DLGAP2: variants seen among roughly 807,000 people sequenced by gnomAD.
DLGAP2 encodes the protein disks large-associated protein 2.
DLGAP2 carries 26 observed loss-of-function variants against 100.3 expected under a neutral mutation model. The ratio of observed to expected loss-of-function variants is 0.26; its 90% confidence interval spans 0.19 to 0.36. The LOEUF (loss-of-function observed/expected upper bound fraction) is 0.36. DLGAP2 is among the 10% of genes least tolerant of loss of function. The probability of loss-of-function intolerance (pLI) is 1.00; values close to 1 mark genes in which losing one functional copy is unlikely to be tolerated. For missense variants in DLGAP2, 1,858 were observed against 1,453.2 expected, an observed-to-expected ratio of 1.28 and a Z score of -4.53; for synonymous variants, 886 against 630.1, an observed-to-expected ratio of 1.41 and a Z score of -6.08.
chr8:921,290 G>C (rs971200498), intron 2 of DLGAP2, among the ~76,000 whole-genome samples: 1 of 152,190 alleles, frequency 6.6e-6, no homozygotes. Flanking sequence ...ATGTTGGTCA[G>C]ACCCGTCCTC....
intron 13 of DLGAP2, among the ~76,000 whole-genome samples, chr8:1,693,567 TTGA>T (rs1164808524): frequency 2.0e-5 from 3 of 152,202 alleles, no homozygotes; most frequent in Non-Finnish European, 4.4e-5. Flanking sequence ...GCCAGGTGTT[TTGA>T]TGATGTTTTC....
chr8:1,445,636 C>G (rs553498795), intron 3 of DLGAP2, among the ~76,000 whole-genome samples: 2 of 152,200 alleles, frequency 1.3e-5, no homozygotes, highest in East Asian at 1.9e-4. Flanking sequence ...AATGGTATTT[C>G]TAGTTCTAGA....
chr8:1,691,421 CG>C, intron 12 of DLGAP2, 113 bp from the exon 13 acceptor site: 4 of 836,398 alleles, frequency 4.8e-6, no homozygotes, highest in Non-Finnish European at 7.5e-6. Flanking sequence ...ACGATGAAGT[CG>C]TCAGTTTTCA....
chr8:1,021,641 A>AT (rs1426357049), intron 2 of DLGAP2, among the ~76,000 whole-genome samples: 2 of 152,208 alleles, frequency 1.3e-5, no homozygotes, highest in Non-Finnish European at 2.9e-5. Flanking sequence ...CACTAAGTTA[A>AT]TAAGAACTCA....
chr8:1,557,652 G>A (rs190438023), intron 5 of DLGAP2, among the ~76,000 whole-genome samples: 82 of 152,230 alleles, frequency 5.4e-4, no homozygotes, highest in Admixed American at 1.8e-3. Flanking sequence ...CATTCATTCC[G>A]CAGGGTCCTG....
At chr8:1,095,708 G>C (rs960238241) in intron 2 of DLGAP2, among the ~76,000 whole-genome samples, 15 of 152,308 alleles carry the variant, frequency 9.8e-5, no homozygotes, top group African/African-American at 3.6e-4. Flanking sequence ...ACAGTCCCGT[G>C]CTGGAGAAGA....
rs1797957570 is a variant in DLGAP2 at position 1,643,309 on chromosome 8, C to A, written c.1810+10263C>A. Among the ~76,000 whole-genome samples, 2 of 15,650 alleles carry A rather than the reference C, an allele frequency of 1.3e-4. 1 individual carries two copies. The highest frequency in any genetic ancestry group is 2.0e-4 in the Non-Finnish European group (2 of 10,200). The allele number at this position is 15,650 out of a possible 152,430, so 10.3% of individuals were successfully genotyped here. A position where few individuals can be genotyped will look rare whatever the true frequency, so the allele number is the denominator to read the frequency against. On this transcript the variant is annotated intron_variant, in intron 8 of 14. Transcript: ENST00000637795. ...TCACCTGTGTCACCCTCGACCCCGC[C>A]GGCCCTCACCTGTGTCACCCTGGAA...
chr8:1,044,692 C>T (rs751888246), intron 2 of DLGAP2, among the ~76,000 whole-genome samples: 1 of 152,184 alleles, frequency 6.6e-6, no homozygotes, highest in African/African-American at 2.4e-5. Flanking sequence ...TAGAAGCTAT[C>T]GGAGGAAAGT....
At chr8:1,127,695 G>A (rs1050564788) in intron 2 of DLGAP2, among the ~76,000 whole-genome samples, 26 of 152,188 alleles carry the variant, frequency 1.7e-4, no homozygotes, top group Non-Finnish European at 3.1e-4. Flanking sequence ...AGAGTGTTCC[G>A]GCATTAACAG....
At chr8:1,584,989 A>G (rs1200618729) in intron 6 of DLGAP2, among the ~76,000 whole-genome samples, 1 of 152,216 alleles carries the variant, frequency 6.6e-6, no homozygotes, top group Non-Finnish European at 1.5e-5. Flanking sequence ...CTTAAGTACA[A>G]TGAAAGACAA....
intron 8 of DLGAP2, among the ~76,000 whole-genome samples, chr8:1,659,748 G>A (rs1222255700): frequency 6.6e-6 from 1 of 152,098 alleles, no homozygotes; most frequent in African/African-American, 2.4e-5. Context: ...TTGCACATGA[G>A]ATGGGTCTCC....
chr8:1,336,440 G>C (rs1298315010), intron 3 of DLGAP2, among the ~76,000 whole-genome samples: 5 of 152,188 alleles, frequency 3.3e-5, no homozygotes, highest in East Asian at 1.9e-4. Context: ...GCCGGTAGAA[G>C]TCTGGGCTCT....
At chr8:858,942 A>C (rs1797337498) in intron 1 of DLGAP2, among the ~76,000 whole-genome samples, 1 of 152,154 alleles carries the variant, frequency 6.6e-6, no homozygotes, top group Admixed American at 6.5e-5. Context: ...ATAAGCTGTT[A>C]ATGGTGGGGA....
At chr8:1,021,525 T>A (rs556750224) in intron 2 of DLGAP2, among the ~76,000 whole-genome samples, 3 of 152,272 alleles carry the variant, frequency 2.0e-5, no homozygotes, top group African/African-American at 7.2e-5. Flanking sequence ...TAATTATAGA[T>A]CAACAGTTTG....
At chr8:1,232,386 A>G (rs1207893063) in intron 2 of DLGAP2, among the ~76,000 whole-genome samples, 1 of 152,208 alleles carries the variant, frequency 6.6e-6, no homozygotes, top group African/African-American at 2.4e-5. Context: ...CTCTGTCCTC[A>G]TCATTCCAGG....
At chr8:1,074,832 A>G (rs1374317320) in intron 2 of DLGAP2, among the ~76,000 whole-genome samples, 1 of 152,214 alleles carries the variant, frequency 6.6e-6, no homozygotes. Context: ...GTACTGCCCA[A>G]CAAAGGGATC....
chr8:1,021,891 C>T (rs1452981021), intron 2 of DLGAP2, among the ~76,000 whole-genome samples: 1 of 152,062 alleles, frequency 6.6e-6, no homozygotes, highest in Non-Finnish European at 1.5e-5. Context: ...CTTGTTTGTT[C>T]CACGACCATC....
At chr8:788,513 A>G (rs533708762) in intron 1 of DLGAP2, among the ~76,000 whole-genome samples, 6 of 152,344 alleles carry the variant, frequency 3.9e-5, no homozygotes, top group Admixed American at 6.5e-5. Context: ...GGTAGTGTCC[A>G]GGGAGCTTGT....
At chr8:1,290,166 C>A (rs905715333) in intron 3 of DLGAP2, among the ~76,000 whole-genome samples, 1 of 152,166 alleles carries the variant, frequency 6.6e-6, no homozygotes, top group African/African-American at 2.4e-5. Context: ...TGAGTCATCA[C>A]AGGCCTCTGT....
Sources: allele counts gnomAD v4.1 joint callset (sites outside exome capture counted in the v4.1 genomes callset), GRCh38; gene constraint gnomAD v4.1.1; transcripts MANE v1.5; gene names NCBI Gene and HGNC (gene_info 2026-07-23, HGNC 2026-07-21).